The following LRRN2 variants were observed in gnomAD, a reference collection of about 807,000 sequenced individuals.
LRRN2 encodes the protein leucine rich repeat neuronal 2.
In LRRN2, 10 loss-of-function variants were observed where a neutral mutation model predicts 35.7. The ratio of observed to expected loss-of-function variants is 0.28; its 90% CI spans 0.17 to 0.47. The LOEUF (loss-of-function observed/expected upper bound fraction) is 0.47, where lower values mean the gene tolerates loss of function less well. Among genes scored for constraint, LRRN2 ranks in the 20% least tolerant of loss-of-function variants. The pLI is 0.99. For synonymous variants in LRRN2, 391 were observed against 409.6 expected, an observed-to-expected ratio of 0.95 and a Z score of 0.55; for missense variants, 731 against 940.3, an observed-to-expected ratio of 0.78 and a Z score of 2.91.
intron 1 of LRRN2, among the ~76,000 whole-genome samples, chr1:204,665,630 C>T (rs1165588524): frequency 6.6e-6 from 1 of 152,244 alleles, no homozygotes; most frequent in Non-Finnish European, 1.5e-5. Context: ...CCCCACTTAT[C>T]TCCAATGTGT....
At chr1:204,657,957 T>C (rs1668395298) in intron 1 of LRRN2, among the ~76,000 whole-genome samples, 1 of 151,182 alleles carries the variant, frequency 6.6e-6, no homozygotes, top group African/African-American at 2.4e-5. Context: ...CTAGTAAGCC[T>C]TAGCCAATGG....
chr1:204,671,675 A>ACACC (rs1558422544), intron 1 of LRRN2, among the ~76,000 whole-genome samples: 1 of 111,466 alleles, frequency 9.0e-6, no homozygotes, highest in Non-Finnish European at 1.9e-5. Context: ...AAAAAAGCAA[A>ACACC]GGTGCCAATG....
At chr1:204,682,199 A>G (rs1536896) in intron 1 of LRRN2, among the ~76,000 whole-genome samples, 136,471 of 152,208 alleles carry the variant, frequency 0.9, 62,470 homozygotes, top group East Asian at 1. Context: ...GGGGTGTGGG[A>G]TGAGGGACTT....
intron 1 of LRRN2, among the ~76,000 whole-genome samples, chr1:204,683,818 A>T (rs1171871696): frequency 6.6e-6 from 1 of 152,212 alleles, no homozygotes; most frequent in East Asian, 1.9e-4. Context: ...GGAGGCTCAG[A>T]TCCCTAGCTC....
intron 1 of LRRN2, among the ~76,000 whole-genome samples, chr1:204,630,576 G>C (rs975985448): frequency 6.6e-6 from 1 of 152,078 alleles, no homozygotes. Context: ...CCTGTCAGCT[G>C]TCCAGGCAGC....
intron 1 of LRRN2, among the ~76,000 whole-genome samples, chr1:204,652,241 TC>T (rs1668244122): frequency 7.9e-6 from 1 of 126,996 alleles, no homozygotes; most frequent in Non-Finnish European, 1.7e-5. Context: ...TCTCTCCCCT[TC>T]GCCCTCTCCT....
chr1:204,654,622 C>T (rs1387582763), intron 1 of LRRN2, among the ~76,000 whole-genome samples: 1 of 152,222 alleles, frequency 6.6e-6, no homozygotes, highest in African/African-American at 2.4e-5. Context: ...TATGTGGCTA[C>T]TTCCATCCTT....
intron 1 of LRRN2, among the ~76,000 whole-genome samples, chr1:204,624,151 C>A (rs931821707): frequency 3.9e-5 from 6 of 152,204 alleles, no homozygotes; most frequent in Non-Finnish European, 8.8e-5. Flanking sequence ...GAGTCCTCAG[C>A]TCCTCCACGC....
intron 1 of LRRN2, among the ~76,000 whole-genome samples, chr1:204,659,936 T>TAC (rs1245365553): frequency 6.6e-6 from 1 of 152,172 alleles, no homozygotes; most frequent in African/African-American, 2.4e-5. Context: ...GACCCCTCTT[T>TAC]ACATAATAGA....
intron 1 of LRRN2, among the ~76,000 whole-genome samples, chr1:204,643,851 T>C (rs1180445664): frequency 2.6e-5 from 4 of 152,130 alleles, no homozygotes; most frequent in Non-Finnish European, 1.5e-5. Context: ...ACAAAGCCTT[T>C]AGAATGTGAA....
chr1:204,642,374 G>A (rs1667997581), intron 1 of LRRN2, among the ~76,000 whole-genome samples: 1 of 152,148 alleles, frequency 6.6e-6, no homozygotes, highest in Admixed American at 6.5e-5. Context: ...TTGGAGACAG[G>A]TGCAGGTGTA....
chr1:204,641,577 C>CACA (rs1667977856), intron 1 of LRRN2, among the ~76,000 whole-genome samples: 2 of 152,200 alleles, frequency 1.3e-5, no homozygotes, highest in African/African-American at 4.8e-5. Context: ...TTTTAATCCA[C>CACA]ACAACAACCC....
chr1:204,620,222 G>C lies in LRRN2; in HGVS notation c.-226-4C>G. ...CCAGGCCCCATCAGGGGCAGCCCTG[G>C]AAGAAGAGGATGCAGAGTTAAGGAG... On this transcript the variant is annotated splice_polypyrimidine_tract_variant and splice_region_variant and intron_variant, in intron 1 of 1. Transcript: ENST00000367177. 1 of 1,437,846 alleles carries C rather than the reference G, an allele frequency of 7.0e-7. No individual in the cohort carries two copies. 89.1% of individuals were successfully genotyped at this position (1,437,846 alleles called of 1,614,324 possible).
intron 1 of LRRN2, among the ~76,000 whole-genome samples, chr1:204,631,173 G>A (rs1262359778): frequency 6.9e-6 from 1 of 144,954 alleles, no homozygotes; most frequent in Non-Finnish European, 1.5e-5. Context: ...GAAGTTTGAG[G>A]ATTGCTGGCT....
Position 204,618,460 on chromosome 1 carries a change from A to C in LRRN2, c.1533T>G (p.Ser511Arg). 1.9e-6 allele frequency: 3 copies of C among 1,614,138 alleles called. No individual in the cohort carries two copies. Among genetic ancestry groups the C allele is most frequent in the Non-Finnish European group, 2.5e-6 (3 of 1,179,992 alleles). Residue 511 changes from serine to arginine, a missense_variant, in exon 2 of 2, where the codon AGT becomes AGG. Physicochemically the swap from Ser to Arg is moderately radical, Grantham distance 110. This residue lies in a region of LRRN2 where 229 missense variants were observed against 258.4 expected (regional missense o/e 0.89). Transcript: ENST00000367177. ...NLVGADTKTV[S>R]VVVGRALLQP... ...GGAGGAGAGCACGGCCCACAACCAC[A>C]CTAACCGTCTTAGTGTCAGCCCCCA...
At position 204,618,639 on chromosome 1, in the gene LRRN2, C is replaced by T. The variant is rs373750771; in HGVS notation, c.1354G>A (p.Glu452Lys). The T allele has an allele frequency of 2.5e-5, 41 of 1,611,050 alleles. No individual in the cohort carries two copies. The highest frequency in any genetic ancestry group is 1.3e-4 in the African/African-American group (10 of 74,912). ...GGAGTGACCCAGTAGATCTCGGGTT[C>T]GGGTTCGGCCAGTGCCCGGCAATGC... ...VLHCRALAEP[E>K]PEIYWVTPAG... Residue 452 changes from glutamate to lysine, a missense_variant, in exon 2 of 2, where the codon GAA becomes AAA. Transcript: ENST00000367177.
At chr1:204,660,426 A>G (rs1239445189) in intron 1 of LRRN2, among the ~76,000 whole-genome samples, 1 of 152,180 alleles carries the variant, frequency 6.6e-6, no homozygotes, top group African/African-American at 2.4e-5. Flanking sequence ...AATGGGGCCT[A>G]GTAAATAGCA....
At chr1:204,662,971 G>A (rs377631114) in intron 1 of LRRN2, among the ~76,000 whole-genome samples, 1 of 152,162 alleles carries the variant, frequency 6.6e-6, no homozygotes, top group South Asian at 2.1e-4. Flanking sequence ...GGCCCAGAAA[G>A]CTTTGGTGAG....
At chr1:204,629,718 GAT>G (rs1667631310) in intron 1 of LRRN2, 1 of 165,592 alleles carries the variant, frequency 6.0e-6, no homozygotes, top group African/African-American at 2.4e-5. Flanking sequence ...CCCGGTCTCA[GAT>G]ATGTCTTTAT....
Sources: allele counts gnomAD v4.1 joint callset (sites outside exome capture counted in the v4.1 genomes callset), GRCh38; gene constraint gnomAD v4.1.1; regional missense constraint gnomAD v4.1.1; transcripts MANE v1.5; gene names NCBI Gene and HGNC (gene_info 2026-07-23, HGNC 2026-07-21).